YIPF4: variants seen among roughly 807,000 people sequenced by gnomAD.
YIPF4 encodes the protein Yip1 domain family member 4.
A neutral mutation model predicts 29.4 loss-of-function variants in YIPF4; 18 were observed. The observed-to-expected ratio is 0.61, with a 90% CI of 0.42 to 0.91. The LOEUF (loss-of-function observed/expected upper bound fraction) is 0.91. Among genes scored for constraint, YIPF4 ranks in the 40% least tolerant of loss-of-function variants. YIPF4 has a pLI of 0.00. For missense variants in YIPF4, 279 were observed against 282.7 expected, an observed-to-expected ratio of 0.99 and a Z score of 0.09; for synonymous variants, 115 against 104.7, an observed-to-expected ratio of 1.10 and a Z score of -0.60.
At chr2:32,294,948 TGGCAGGCACTC>T (rs1215134853) in intron 3 of YIPF4, among the ~76,000 whole-genome samples, 1 of 148,714 alleles carries the variant, frequency 6.7e-6, no homozygotes, top group African/African-American at 2.5e-5. Context: ...GCGCCTGCAA[TGGCAGGCACTC>T]GGCAGGCTGA....
rs141623957 is a variant in YIPF4 at position 32,297,283 on chromosome 2, C to T, written c.406-951C>T. ...GGGATTACAGGCATGTGCCACCATG[C>T]CCGGCTAATTTTGTATTTTTTTTTA... On this transcript the variant is annotated intron_variant, in intron 3 of 5. Transcript: ENST00000238831. 5.6e-3 allele frequency among the ~76,000 whole-genome samples: 845 copies of T among 152,148 alleles called. 10 individuals carry two copies. The highest frequency in any genetic ancestry group is 0.019 in the African/African-American group (790 of 41,524).
At chr2:32,290,884 C>G (rs2030881332) in intron 2 of YIPF4, 1 of 194,474 alleles carries the variant, frequency 5.1e-6, no homozygotes, top group Non-Finnish European at 1.0e-5. Context: ...TCCAGCTTAC[C>G]TGGGTCTGTC....
In YIPF4 at chr2:32,315,097, T is replaced by C. The variant is rs2031795263; in HGVS notation, c.*9471T>C. 1 of 152,230 alleles carries C rather than the reference T, an allele frequency of 6.6e-6. No individual in the cohort carries two copies. Among genetic ancestry groups the C allele is most frequent in the African/African-American group, 2.4e-5 (1 of 41,458 alleles). The allele number at this position is 152,230 out of a possible 1,614,324, so 9.4% of individuals were successfully genotyped here. ...AGAACTCAAGGTCCATTTATTGCTCTATTCTGCCATCTTTGGTGAGTGGCT... is the reference window on the plus strand; with the variant it reads ...AGAACTCAAGGTCCATTTATTGCTCCATTCTGCCATCTTTGGTGAGTGGCT... On this transcript the variant is annotated 3_prime_UTR_variant, in exon 6 of 6. Coordinates refer to ENST00000238831, the MANE Select transcript of YIPF4 (RefSeq NM_032312.4).
At chr2:32,294,620 C>G (rs1326198858) in intron 3 of YIPF4, among the ~76,000 whole-genome samples, 6 of 142,198 alleles carry the variant, frequency 4.2e-5, no homozygotes, top group Non-Finnish European at 9.2e-5. Context: ...ACATCCCAGA[C>G]GATGGGCGGC....
At position 32,312,376 on chromosome 2, in the gene YIPF4, T is replaced by C. The variant is rs1263876791; in HGVS notation, c.*6750T>C. 2.7e-5 allele frequency: 4 copies of C among 147,502 alleles called. No individual in the cohort carries two copies. Among genetic ancestry groups the C allele is most frequent in the Non-Finnish European group, 4.4e-5 (3 of 67,448 alleles). The allele number at this position is 147,502 out of a possible 1,614,324, so 9.1% of individuals were successfully genotyped here. ...GGCAGCGGGCGCCTGTAGTCTCAGC[T>C]ACTCGGGAGGCTGAGGCAGGAGAAT... On this transcript the variant is annotated 3_prime_UTR_variant, in exon 6 of 6. Coordinates refer to ENST00000238831, the MANE Select transcript of YIPF4 (RefSeq NM_032312.4).
rs577055424 is a variant in YIPF4 at position 32,298,264 on chromosome 2, T to G, written c.436T>G (p.Phe146Val). ...CTCATGGATTATAACCATTTGGATA[T>G]TTGGTTCACTAACAATTTTCTTACT... is the stretch of plus-strand genomic sequence containing the variant. The part of the protein sequence containing the change: ...VVSWIITIWI[F>V]GSLTIFLLAR... Residue 146 changes from phenylalanine (F) to valine (V), a missense_variant, in exon 4 of 6, where the codon TTT becomes GTT. Coordinates refer to ENST00000238831, the MANE Select transcript of YIPF4 (RefSeq NM_032312.4). The G allele has an allele frequency of 1.9e-6, 3 of 1,610,980 alleles. No homozygotes were observed. The East Asian group carries it at 6.7e-5, about 36-fold the overall frequency.
chr2:32,286,609 G>A (rs561629379), intron 1 of YIPF4, among the ~76,000 whole-genome samples: 10 of 151,960 alleles, frequency 6.6e-5, no homozygotes, highest in South Asian at 4.2e-4. Context: ...GCAGTGGCGC[G>A]ATCTCAGCTC....
In YIPF4 at chr2:32,306,537, T is replaced by C. The variant is rs529230950; in HGVS notation, c.*911T>C. 6 of 985,140 alleles carry C rather than the reference T, an allele frequency of 6.1e-6. No homozygotes were observed. Among genetic ancestry groups the C allele is most frequent in the Admixed American group, 6.1e-5 (1 of 16,262 alleles). The allele number at this position is 985,140 out of a possible 1,614,324, so 61.0% of individuals were successfully genotyped here. On this transcript the variant is annotated 3_prime_UTR_variant, in exon 6 of 6. Transcript: ENST00000238831. ...AATCTTGTGGTGTTGAACAATGTTA[T>C]ATGAAGTAGAAAAAATAAAATACTT...
intron 3 of YIPF4, among the ~76,000 whole-genome samples, chr2:32,296,082 G>A (rs533337472): frequency 2.6e-5 from 4 of 152,148 alleles, no homozygotes; most frequent in Admixed American, 1.3e-4. Flanking sequence ...CACTGAAGAA[G>A]GTGAATGGGG....
chr2:32,283,819 G>A (rs1171637658), intron 1 of YIPF4, among the ~76,000 whole-genome samples: 2 of 151,604 alleles, frequency 1.3e-5, no homozygotes, highest in Non-Finnish European at 2.9e-5. Context: ...CCAGGTTCAA[G>A]CAATTCTCCT....
In YIPF4 at chr2:32,305,407, A is replaced by C. The variant is rs541179799; in HGVS notation, c.598-82A>C. The C allele has an allele frequency of 1.8e-5, 24 of 1,365,124 alleles. No homozygotes were observed. In the South Asian group the frequency reaches 4.3e-4, roughly 25 times the overall value. The allele number at this position is 1,365,124 out of a possible 1,614,324, so 84.6% of individuals were successfully genotyped here. On this transcript the variant is annotated intron_variant, in intron 5 of 5. Transcript: ENST00000238831. ...TGTTGATTTTTTAAAAATATTGTAA[A>C]CACCATTTTTACTCTATGATATCCA... is the stretch of plus-strand genomic sequence containing the variant.
intron 1 of YIPF4, among the ~76,000 whole-genome samples, chr2:32,280,480 C>G (rs549678073): frequency 1.0e-4 from 15 of 149,968 alleles, no homozygotes; most frequent in Non-Finnish European, 2.1e-4. Context: ...CCCGGGTTCA[C>G]GCCATTCTCT....
At chr2:32,280,603 C>T (rs371300583) in intron 1 of YIPF4, among the ~76,000 whole-genome samples, 14 of 151,932 alleles carry the variant, frequency 9.2e-5, no homozygotes, top group African/African-American at 3.4e-4. Flanking sequence ...AGGATGGTCT[C>T]GATCTCCTGA....
At chr2:32,291,540 G>C (rs977385551) in intron 2 of YIPF4, among the ~76,000 whole-genome samples, 1 of 152,090 alleles carries the variant, frequency 6.6e-6, no homozygotes, top group Non-Finnish European at 1.5e-5. Flanking sequence ...CAAGACTCTT[G>C]TCTCAAAAAC....
intron 4 of YIPF4, among the ~76,000 whole-genome samples, chr2:32,300,058 G>A (rs2031341625): frequency 6.6e-6 from 1 of 152,032 alleles, no homozygotes. Context: ...CCTGAGGTTG[G>A]GAGTTTGAGA....
chr2:32,297,184 G>A (rs190878142), intron 3 of YIPF4, among the ~76,000 whole-genome samples: 1 of 151,946 alleles, frequency 6.6e-6, no homozygotes, highest in African/African-American at 2.4e-5. Flanking sequence ...GAGTGCAATG[G>A]CGCAATCTTG....
intron 3 of YIPF4, among the ~76,000 whole-genome samples, chr2:32,294,559 C>A (rs1476296507): frequency 9.3e-5 from 14 of 151,292 alleles, no homozygotes; most frequent in Admixed American, 9.2e-4. Context: ...GGCGGCCGGG[C>A]AGAGACGCTC....
intron 4 of YIPF4, 42 bp downstream of exon 4, chr2:32,298,353 G>T: frequency 6.7e-7 from 1 of 1,499,586 alleles, no homozygotes. Context: ...TATTTATGGT[G>T]AGCTTAGTTT....
intron 4 of YIPF4, among the ~76,000 whole-genome samples, chr2:32,300,513 G>A (rs1573541195): frequency 6.6e-6 from 1 of 150,378 alleles, no homozygotes; most frequent in African/African-American, 2.4e-5. Flanking sequence ...TAGAATATAT[G>A]TTCAATCGAG....
Sources: gnomAD v4.1 joint callset for allele counts (sites outside exome capture counted in the v4.1 genomes callset) on GRCh38, gnomAD v4.1.1 for gene constraint, MANE v1.5 for transcripts, NCBI Gene and HGNC (gene_info 2026-07-23, HGNC 2026-07-21) for gene names.